The following CHST15 variants were observed in gnomAD, a reference collection of about 807,000 sequenced individuals.
The protein encoded by CHST15 is B cell RAG associated protein (GALNAC4S-6ST).
A neutral mutation model predicts 53.6 loss-of-function variants in CHST15; 30 were observed. The observed-to-expected ratio is 0.56, with a 90% confidence interval of 0.42 to 0.76. The LOEUF is 0.76. Among genes scored for constraint, CHST15 ranks in the 30% least tolerant of loss-of-function variants. CHST15 has a pLI of 0.00. For missense variants in CHST15, 627 were observed against 740.5 expected, an observed-to-expected ratio of 0.85 and a Z score of 1.78; for synonymous variants, 296 against 289.8, an observed-to-expected ratio of 1.02 and a Z score of -0.22.
intron 5 of CHST15, among the ~76,000 whole-genome samples, chr10:124,029,555 C>A (rs1947140899): frequency 6.6e-6 from 1 of 152,200 alleles, no homozygotes; most frequent in South Asian, 2.1e-4. Context: ...GGAGGCAGCA[C>A]TTCTCAGAGG....
Position 124,009,223 on chromosome 10 carries a change from A to G in CHST15, c.*926T>C. The G allele has an allele frequency of 2.7e-6, 3 of 1,128,226 alleles. No individual in the cohort carries two copies. The highest frequency in any genetic ancestry group is 1.9e-5 in the South Asian group (1 of 52,818). 69.9% of individuals were successfully genotyped at this position (1,128,226 alleles called of 1,614,324 possible). A position where few individuals can be genotyped will look rare whatever the true frequency, so the allele number is the denominator to read the frequency against. Reference sequence around the variant, plus strand: ...GGGCTTGAATTACCTAGATTTTCCAAGAAGTGTTCAATTCCTTGAGGTTGC... The same window carrying G: ...GGGCTTGAATTACCTAGATTTTCCAGGAAGTGTTCAATTCCTTGAGGTTGC... On this transcript the variant is annotated 3_prime_UTR_variant, in exon 8 of 8. Transcript: ENST00000435907.
In CHST15 at chr10:124,063,654, A is replaced by T. The variant is rs1260256709; in HGVS notation, c.-512-16930T>A. On this transcript the variant is annotated intron_variant, in intron 1 of 7. Coordinates refer to ENST00000435907, the MANE Select transcript of CHST15 (RefSeq NM_001270764.2). ...TGATGGGGCATGGCTCGAAAAAAAA[A>T]ATCTCACTAAGTTTCAGTATTCAGA... is the stretch of plus-strand genomic sequence containing the variant. Among the ~76,000 whole-genome samples the T allele has an allele frequency of 3.9e-5, 6 of 152,182 alleles. 1 individual carries two copies. The highest frequency in any genetic ancestry group is 3.3e-4 in the Admixed American group (5 of 15,282).
intron 6 of CHST15, chr10:124,020,597 G>A (rs1335905028): frequency 1.0e-6 from 1 of 986,894 alleles, no homozygotes; most frequent in Non-Finnish European, 1.2e-6. Flanking sequence ...AGCAGAGCAA[G>A]GCTTGTAAAG....
intron 1 of CHST15, among the ~76,000 whole-genome samples, chr10:124,055,150 T>C (rs994313955): frequency 6.6e-6 from 1 of 152,222 alleles, no homozygotes; most frequent in Non-Finnish European, 1.5e-5. Flanking sequence ...AGGTCCCTTC[T>C]GTTCTGTCTC....
intron 5 of CHST15, among the ~76,000 whole-genome samples, chr10:124,035,072 C>A (rs1276978447): frequency 1.4e-5 from 2 of 143,284 alleles, no homozygotes; most frequent in East Asian, 4.5e-4. Flanking sequence ...GCTCCACCCC[C>A]TAACAGGGAC....
intron 5 of CHST15, among the ~76,000 whole-genome samples, chr10:124,033,738 C>T (rs1055009759): frequency 1.3e-5 from 2 of 152,194 alleles, no homozygotes; most frequent in Admixed American, 1.3e-4. Flanking sequence ...TCCAACAGCT[C>T]TTGAGGTGCT....
chr10:124,023,561 T>C (rs1412125195), intron 5 of CHST15, among the ~76,000 whole-genome samples: 1 of 151,914 alleles, frequency 6.6e-6, no homozygotes, highest in Non-Finnish European at 1.5e-5. Context: ...TTTTCTCCTC[T>C]ATCTCTCCTT....
chr10:124,065,839 A>G (rs1385942016), intron 1 of CHST15, among the ~76,000 whole-genome samples: 1 of 152,176 alleles, frequency 6.6e-6, no homozygotes, highest in Non-Finnish European at 1.5e-5. Flanking sequence ...CCTTTCAGGC[A>G]AATTTCTGCA....
At chr10:124,086,911 G>A (rs1264069027) in intron 1 of CHST15, among the ~76,000 whole-genome samples, 3 of 152,144 alleles carry the variant, frequency 2.0e-5, no homozygotes, top group Non-Finnish European at 4.4e-5. Flanking sequence ...CTGAGTCAGC[G>A]TGGATCCCAG....
At position 124,029,102 on chromosome 10, in the gene CHST15, G is replaced by A. The variant is rs76103651; in HGVS notation, c.1191-7690C>T. Among the ~76,000 whole-genome samples the A allele has an allele frequency of 8.7e-3, 1,319 of 152,284 alleles. 20 individuals are homozygous for A. Among genetic ancestry groups the A allele is most frequent in the African/African-American group, 0.03 (1,231 of 41,538 alleles). On this transcript the variant is annotated intron_variant, in intron 5 of 7. Transcript: ENST00000435907. ...TGTTATTCTCCATTTGCTGGCATCC[G>A]AATTTAAATCACTGATCAATAATTC... is the stretch of plus-strand genomic sequence containing the variant.
chr10:124,053,334 C>A (rs1948266741), intron 1 of CHST15, among the ~76,000 whole-genome samples: 1 of 152,134 alleles, frequency 6.6e-6, no homozygotes. Context: ...AAGACATGTC[C>A]TGTGTACTCA....
rs1381888680 is a variant in CHST15, at chr10:124,008,947, C to G, written c.*1202G>C. The G allele has an allele frequency of 1.6e-6, 2 of 1,289,094 alleles. No individual in the cohort carries two copies. Among genetic ancestry groups the G allele is most frequent in the Non-Finnish European group, 2.0e-6 (2 of 988,630 alleles). 79.9% of individuals were successfully genotyped at this position (1,289,094 alleles called of 1,614,324 possible). Reference sequence around the variant, plus strand: ...GTGGCCTGGAAAATTCCATGAAGAACACGGCTCTTAGAAACCTCATTCCAA... The same window carrying G: ...GTGGCCTGGAAAATTCCATGAAGAAGACGGCTCTTAGAAACCTCATTCCAA... On this transcript the variant is annotated 3_prime_UTR_variant, in exon 8 of 8. Coordinates refer to ENST00000435907, the MANE Select transcript of CHST15 (RefSeq NM_001270764.2).
Position 124,044,698 on chromosome 10 carries a change from G to T in CHST15, c.768C>A (p.Phe256Leu). The change falls in exon 3 of 8, where the codon TTC becomes TTA. Residue 256 changes from phenylalanine (F) to leucine (L), a missense_variant. By Grantham distance (22) the Phe-to-Leu change is conservative (BLOSUM62 0). This residue lies in a region of CHST15 where 161 missense variants were observed against 117.2 expected (regional missense o/e 1.37). Transcript: ENST00000435907. ...CGCACTTGGGCTGCCCTATGATGTAGAAGTGCGGCAGGCAGCGCAGGCGGA... is the reference window on the plus strand; with the variant it reads ...CGCACTTGGGCTGCCCTATGATGTATAAGTGCGGCAGGCAGCGCAGGCGGA... ...KHFRLRCLPH[F>L]YIIGQPKCGT... is the part of the protein sequence containing the mutation. The T allele has an allele frequency of 6.2e-7, 1 of 1,613,988 alleles. No individual in the cohort carries two copies.
In CHST15 at chr10:124,021,246, G is replaced by GGGT; in HGVS notation, c.1347+7_1347+9dup. 6.4e-7 allele frequency: 1 copy of GGGT among 1,562,666 alleles called. No individual in the cohort carries two copies. Among genetic ancestry groups the GGGT allele is most frequent in the Non-Finnish European group, 8.7e-7 (1 of 1,144,760 alleles). On this transcript the variant is annotated intron_variant, in intron 6 of 7. Coordinates refer to ENST00000435907, the MANE Select transcript of CHST15 (RefSeq NM_001270764.2). Reference sequence around the variant, plus strand: ...CCAGCTCGGGGGGTACGGGGGGGGGGGGTACACACAGGCATGGCGTTGTTG... The same window carrying GGGT: ...CCAGCTCGGGGGGTACGGGGGGGGGGGGTGGTACACACAGGCATGGCGTTGTTG...
intron 1 of CHST15, among the ~76,000 whole-genome samples, chr10:124,081,380 GCA>G (rs1335888831): frequency 6.8e-6 from 1 of 146,806 alleles, no homozygotes; most frequent in Non-Finnish European, 1.5e-5. Context: ...ATGCACGCAT[GCA>G]CACACACACG....
chr10:124,008,115 C>T lies in CHST15; in HGVS notation c.*2034G>A, dbSNP rs1321763003. The T allele has an allele frequency of 2.3e-5, 28 of 1,231,570 alleles. No individual in the cohort carries two copies. The highest frequency in any genetic ancestry group is 2.6e-5 in the Non-Finnish European group (26 of 987,896). The allele number at this position is 1,231,570 out of a possible 1,614,324, so 76.3% of individuals were successfully genotyped here. ...ATTGGAAATAATACCTTCAGTAATA[C>T]TTCTGTAAGAAGCAGAATTACACCA... On this transcript the variant is annotated 3_prime_UTR_variant, in exon 8 of 8. Transcript: ENST00000435907.
chr10:124,050,595 G>A (rs1233208457), intron 1 of CHST15, among the ~76,000 whole-genome samples: 1 of 152,146 alleles, frequency 6.6e-6, no homozygotes, highest in Non-Finnish European at 1.5e-5. Context: ...CATTGTCAGT[G>A]CCCCCTGGGG....
chr10:124,011,735 G>A (rs1465343827), intron 7 of CHST15: 39 of 985,264 alleles, frequency 4.0e-5, no homozygotes, highest in Admixed American at 6.1e-5. Context: ...ACAGGCTGAG[G>A]GCAGGCGCTC....
chr10:124,028,887 C>T (rs887845319), intron 5 of CHST15, among the ~76,000 whole-genome samples: 3 of 152,120 alleles, frequency 2.0e-5, no homozygotes, highest in Non-Finnish European at 4.4e-5. Context: ...CCCACCTCCC[C>T]GTGCTCCTCA....
Sources: allele counts gnomAD v4.1 joint callset (sites outside exome capture counted in the v4.1 genomes callset), GRCh38; gene constraint gnomAD v4.1.1; regional missense constraint gnomAD v4.1.1; transcripts MANE v1.5; gene names NCBI Gene and HGNC (gene_info 2026-07-23, HGNC 2026-07-21).